Variants in GABRA3 observed in about 807,000 individuals in gnomAD.
GABRA3 encodes the protein gamma-aminobutyric acid receptor subunit alpha-3.
GABRA3 carries 10 observed loss-of-function variants against 30.1 expected under a neutral mutation model. The ratio of observed to expected loss-of-function variants is 0.33; its 90% CI spans 0.20 to 0.56. GABRA3 has a LOEUF of 0.56. Among genes scored for constraint, GABRA3 ranks in the 20% least tolerant of loss-of-function variants. GABRA3 has a pLI of 0.89. For missense variants in GABRA3, 233 were observed against 392.0 expected (o/e 0.59, Z 3.42); for synonymous variants, 151 against 146.8 (o/e 1.03, Z -0.21).
At chrX:152,415,195 C>T (rs978693307) in intron 1 of GABRA3, among the ~76,000 whole-genome samples, 5 of 111,015 alleles carry the variant, frequency 4.5e-5, no homozygotes. Flanking sequence ...TTCACTCATT[C>T]ATAGTAACAA....
At chrX:152,229,522 G>A (rs961348028) in intron 5 of GABRA3, among the ~76,000 whole-genome samples, 2 of 110,757 alleles carry the variant, frequency 1.8e-5, no homozygotes, top group Non-Finnish European at 3.8e-5. Flanking sequence ...TGAAGCAGAT[G>A]AGAGAATGAG....
intron 4 of GABRA3, among the ~76,000 whole-genome samples, chrX:152,260,051 A>G (rs200880928): frequency 1.8e-5 from 2 of 109,925 alleles, no homozygotes; most frequent in East Asian, 2.9e-4. Context: ...ACTCAGTACA[A>G]GCTAACTGAA....
At chrX:152,199,293 G>C (rs1257090605) in intron 7 of GABRA3, among the ~76,000 whole-genome samples, 1 of 104,722 alleles carries the variant, frequency 9.5e-6, no homozygotes, top group East Asian at 2.9e-4. Flanking sequence ...GTGAACCCAG[G>C]AGGCGGAGCT....
chrX:152,359,647 G>A (rs768957122), intron 2 of GABRA3, among the ~76,000 whole-genome samples: 11 of 110,569 alleles, frequency 9.9e-5, no homozygotes, highest in African/African-American at 3.3e-4. Flanking sequence ...GTGACATTAG[G>A]TTGTTAATTT....
intron 5 of GABRA3, among the ~76,000 whole-genome samples, chrX:152,230,584 T>C (rs1938049287): frequency 9.0e-6 from 1 of 111,018 alleles, no homozygotes. Context: ...CAGTAATCAA[T>C]ATGGTGCAGT....
chrX:152,355,567 C>A (rs1025435718), intron 2 of GABRA3, among the ~76,000 whole-genome samples: 1 of 111,509 alleles, frequency 9.0e-6, no homozygotes, highest in Admixed American at 9.5e-5. Context: ...CTATTCCTTG[C>A]GGTTTCCCTC....
chrX:152,358,305 T>C (rs979249964), intron 2 of GABRA3, among the ~76,000 whole-genome samples: 1 of 111,713 alleles, frequency 9.0e-6, no homozygotes, highest in Non-Finnish European at 1.9e-5. Context: ...TTTTACTCTT[T>C]TATGGCTATC....
At chrX:152,397,675 T>C (rs896079998) in intron 1 of GABRA3, among the ~76,000 whole-genome samples, 25 of 112,052 alleles carry the variant, frequency 2.2e-4, no homozygotes, top group African/African-American at 8.1e-4. Flanking sequence ...TTAACCTTTC[T>C]AAAATATACT....
intron 6 of GABRA3, among the ~76,000 whole-genome samples, chrX:152,215,742 A>G (rs1313336318): frequency 1.8e-5 from 2 of 111,787 alleles, no homozygotes; most frequent in Non-Finnish European, 3.8e-5. Flanking sequence ...AGCAAAGTAG[A>G]GATATGGAAT....
intron 5 of GABRA3, among the ~76,000 whole-genome samples, chrX:152,235,112 T>C (rs1054936881): frequency 2.7e-5 from 3 of 111,959 alleles, no homozygotes; most frequent in Non-Finnish European, 3.8e-5. Context: ...GCCTGGGATG[T>C]TTTCCCATTT....
chrX:152,295,559 A>C (rs1024183988), intron 3 of GABRA3, among the ~76,000 whole-genome samples: 1 of 112,825 alleles, frequency 8.9e-6, no homozygotes, highest in African/African-American at 3.2e-5. Context: ...GGAAAAGCAC[A>C]GTATTTGGGC....
In GABRA3 at chrX:152,186,435, C is replaced by G. The variant is rs768337179; in HGVS notation, c.1143+3295G>C. On this transcript the variant is annotated intron_variant, in intron 9 of 9. Transcript: ENST00000370314. ...CAGGCTGGTCTTGAACTCCAGACCT[C>G]AAGTGATCTGCCTGCTTTGGCCTCC... 1.3e-4 allele frequency among the ~76,000 whole-genome samples: 14 copies of G among 110,511 alleles called. No homozygotes were observed. The South Asian group carries it at 1.5e-3, about 12-fold the overall frequency.
intron 7 of GABRA3, among the ~76,000 whole-genome samples, chrX:152,207,348 T>C (rs1220584332): frequency 8.9e-6 from 1 of 111,895 alleles, no homozygotes. Context: ...TAAGGTTAGT[T>C]GAGATCCAGA....
intron 4 of GABRA3, among the ~76,000 whole-genome samples, chrX:152,256,778 G>A (rs751536391): frequency 8.0e-5 from 9 of 111,938 alleles, no homozygotes; most frequent in Admixed American, 1.9e-4. Context: ...GCAGTGGAGC[G>A]TGACTGAAAG....
chrX:152,205,973 A>G (rs1312893227), intron 7 of GABRA3, among the ~76,000 whole-genome samples: 1 of 112,785 alleles, frequency 8.9e-6, no homozygotes, highest in African/African-American at 3.2e-5. Flanking sequence ...ATGTATTTCT[A>G]ATTTTCCTGT....
intron 1 of GABRA3, among the ~76,000 whole-genome samples, chrX:152,425,292 C>G (rs753455036): frequency 9.1e-6 from 1 of 110,414 alleles, no homozygotes; most frequent in Admixed American, 9.7e-5. Context: ...TATACAATTA[C>G]CAAAATCAAT....
chrX:152,171,309 A>G (rs933726205), intron 9 of GABRA3: 4 of 235,096 alleles, frequency 1.7e-5, no homozygotes, highest in African/African-American at 1.2e-4. Flanking sequence ...ATAGATGGGG[A>G]GAAGCAGCAA....
At chrX:152,287,568 G>T (rs1939320069) in intron 3 of GABRA3, among the ~76,000 whole-genome samples, 1 of 111,338 alleles carries the variant, frequency 9.0e-6, no homozygotes, top group Non-Finnish European at 1.9e-5. Flanking sequence ...AAAACTGTGA[G>T]ACAATTAAAC....
At position 152,342,033 on chromosome X, in the gene GABRA3, T is replaced by C. The variant is rs372836953; in HGVS notation, c.262+3548A>G. Among the ~76,000 whole-genome samples the C allele has an allele frequency of 7.2e-5, 8 of 111,200 alleles. No individual in the cohort carries two copies. The South Asian group carries it at 1.5e-3, about 21-fold the overall frequency. On this transcript the variant is annotated intron_variant, in intron 3 of 9. Transcript: ENST00000370314. Reference sequence around the variant, plus strand: ...GACTACAGGCACACCTCACCACGCCTGGCTAATTTTTGTATTTTTAGTAGA... The same window carrying C: ...GACTACAGGCACACCTCACCACGCCCGGCTAATTTTTGTATTTTTAGTAGA...
Sources: gnomAD v4.1 joint callset for allele counts (sites outside exome capture counted in the v4.1 genomes callset) on GRCh38, gnomAD v4.1.1 for gene constraint, MANE v1.5 for transcripts, NCBI Gene and HGNC (gene_info 2026-07-23, HGNC 2026-07-21) for gene names.